The following RAB11FIP3 variants were observed in gnomAD, a reference collection of about 807,000 sequenced individuals.
RAB11FIP3 encodes the protein rab11 family-interacting protein 3.
Under a neutral mutation model 77.8 loss-of-function variants are expected in RAB11FIP3, and 17 were observed. The observed-to-expected ratio is 0.22, with a 90% CI of 0.15 to 0.33. The LOEUF is 0.33. RAB11FIP3 is among the 10% of genes least tolerant of loss of function. The probability of loss-of-function intolerance (pLI) is 1.00; values close to 1 mark genes in which losing one functional copy is unlikely to be tolerated. For synonymous variants in RAB11FIP3, 437 were observed against 448.2 expected, an observed-to-expected ratio of 0.98 and a Z score of 0.31; for missense variants, 1,005 against 1,011.2, an observed-to-expected ratio of 0.99 and a Z score of 0.08.
At chr16:473,038 C>G (rs147589017) in intron 3 of RAB11FIP3, among the ~76,000 whole-genome samples, 73 of 152,116 alleles carry the variant, frequency 4.8e-4, no homozygotes, top group Non-Finnish European at 9.9e-4. Flanking sequence ...CAGCCCTGCT[C>G]ACACCTTGGC....
intron 5 of RAB11FIP3, among the ~76,000 whole-genome samples, chr16:495,091 G>C (rs546169000): frequency 6.6e-6 from 1 of 152,322 alleles, no homozygotes; most frequent in East Asian, 1.9e-4. Flanking sequence ...CTGGGCCACA[G>C]AGTCATACCT....
rs752040289 is a variant in RAB11FIP3, at chr16:496,835, G to A, written c.1277G>A (p.Arg426Gln). The A allele has an allele frequency of 5.6e-6, 9 of 1,596,826 alleles. No individual in the cohort carries two copies. The highest frequency in any genetic ancestry group is 1.7e-5 in the Admixed American group (1 of 59,952). ...PAFLTPSPTK[R>Q]LSSKKVARYL... ...TGTTTTCTGCACAGTCCGACAAAGC[G>A]GCTCTCCAGCAAGAAGGTGGCAAGG... Residue 426 changes from arginine (R) to glutamine (Q), a missense_variant, in exon 6 of 14, where the codon CGG (arginine) becomes CAG (glutamine). Transcript: ENST00000262305.
At chr16:458,950 G>T (rs183941807) in intron 1 of RAB11FIP3, among the ~76,000 whole-genome samples, 24 of 152,232 alleles carry the variant, frequency 1.6e-4, no homozygotes, top group Admixed American at 1.4e-3. Flanking sequence ...TCACAGCAAC[G>T]TGCAGGCATG....
rs1241437257 is a variant in RAB11FIP3, at chr16:472,592, A to G, written c.903+1203A>G. 6.6e-6 allele frequency among the ~76,000 whole-genome samples: 1 copy of G among 152,214 alleles called. No individual in the cohort carries two copies. Among genetic ancestry groups the G allele is most frequent in the Non-Finnish European group, 1.5e-5 (1 of 68,028 alleles). On this transcript the variant is annotated intron_variant, in intron 3 of 13. Transcript: ENST00000262305. This position sits in a 1 kb window ranked among gnomAD's most constrained non-coding sequence, Gnocchi z 4.1. ...TGCCCAAGGCTCTGCAGGGTAACCC[A>G]GAGCCCTTGGTCTGCAACGTCCGGG...
intron 8 of RAB11FIP3, among the ~76,000 whole-genome samples, chr16:508,225 G>A (rs529446989): frequency 4.7e-4 from 71 of 152,336 alleles, no homozygotes; most frequent in Admixed American, 1.6e-3. Flanking sequence ...GAAGACCTCT[G>A]ACCCGGTGCT....
intron 1 of RAB11FIP3, among the ~76,000 whole-genome samples, chr16:438,019 G>A (rs1043464922): frequency 6.6e-6 from 1 of 152,024 alleles, no homozygotes; most frequent in African/African-American, 2.4e-5. Flanking sequence ...ATATTGGCCA[G>A]GCTGGCCTTG....
intron 1 of RAB11FIP3, among the ~76,000 whole-genome samples, chr16:455,697 G>A (rs1395461217): frequency 1.3e-5 from 2 of 152,094 alleles, no homozygotes; most frequent in African/African-American, 4.8e-5. Context: ...CCAGGCTCAG[G>A]CAATCCTCCC....
rs1181157890 is a variant in RAB11FIP3 at position 505,622 on chromosome 16, G to A, written c.1494G>A (p.Val498=). 2.5e-6 allele frequency: 4 copies of A among 1,594,462 alleles called. No homozygotes were observed. The highest frequency in any genetic ancestry group is 1.3e-5 in the African/African-American group (1 of 74,874). ...SRLRQENLQL[V]HRANALEEQL... ...TGAGGCAGGAGAACCTGCAGCTGGT[G>A]CACAGGTGAGCCTGGGCCAGGAGAC... The change falls in exon 8 of 14, where the codon GTG becomes GTA. Residue 498 remains valine, a synonymous_variant. Transcript: ENST00000262305. The surrounding 1 kb of genome is among the most constrained non-coding windows in gnomAD (Gnocchi z 4.0).
At position 425,758 on chromosome 16, in the gene RAB11FIP3, TCCTCGCCGCCCTCCCTAGGCCG is replaced by T; in HGVS notation, c.-246_-225del. On this transcript the variant is annotated 5_prime_UTR_variant, in exon 1 of 14. Coordinates refer to ENST00000262305, the MANE Select transcript of RAB11FIP3 (RefSeq NM_014700.4). ...CGTCCCCCGCCATCCGCCGCCCGGA[TCCTCGCCGCCCTCCCTAGGCCG>T]CCCCGCCGCCATGGGCCTGCGCCCG... is the stretch of plus-strand genomic sequence containing the variant. 1 of 334,310 alleles carries T rather than the reference TCCTCGCCGCCCTCCCTAGGCCG, an allele frequency of 3.0e-6. No individual in the cohort carries two copies. The highest frequency in any genetic ancestry group is 5.4e-6 in the Non-Finnish European group (1 of 184,912). 20.7% of individuals were successfully genotyped at this position (334,310 alleles called of 1,614,324 possible).
chr16:522,044 T>TGTGTGCGCGCATGTGTGCGCGCGTGC lies in RAB11FIP3; in HGVS notation c.*1205_*1206insGTGTGCGCGCATGTGTGCGCGCGTGC, dbSNP rs58290701. The TGTGTGCGCGCATGTGTGCGCGCGTGC allele has an allele frequency of 6.6e-6, 1 of 151,732 alleles. No individual in the cohort carries two copies. Among genetic ancestry groups the TGTGTGCGCGCATGTGTGCGCGCGTGC allele is most frequent in the Non-Finnish European group, 1.5e-5 (1 of 67,962 alleles). 9.4% of individuals were successfully genotyped at this position (151,732 alleles called of 1,614,324 possible). A position where few individuals can be genotyped will look rare whatever the true frequency, so the allele number is the denominator to read the frequency against. On this transcript the variant is annotated 3_prime_UTR_variant, in exon 14 of 14. Coordinates refer to ENST00000262305, the MANE Select transcript of RAB11FIP3 (RefSeq NM_014700.4). ...CGCTGCGTGTGTGTGCGCGCGCGTG[T>TGTGTGCGCGCATGTGTGCGCGCGTGC]ACGTGTGGCCCCACATCCGCCGCCT...
chr16:511,958 G>T (rs190285697), intron 9 of RAB11FIP3, among the ~76,000 whole-genome samples: 5 of 144,620 alleles, frequency 3.5e-5, no homozygotes, highest in Non-Finnish European at 7.5e-5. Flanking sequence ...GAACCTGCAG[G>T]CCAGGTAGGA....
At chr16:495,472 C>T (rs201757562) in intron 5 of RAB11FIP3, among the ~76,000 whole-genome samples, 1 of 152,328 alleles carries the variant, frequency 6.6e-6, no homozygotes, top group East Asian at 1.9e-4. Flanking sequence ...GTCGGGGAAG[C>T]CCCTGGCTCT....
At chr16:510,954 T>G (rs1158399655) in intron 9 of RAB11FIP3, among the ~76,000 whole-genome samples, 154 bp downstream of exon 9, 2 of 113,306 alleles carry the variant, frequency 1.8e-5, no homozygotes, top group Non-Finnish European at 3.6e-5. Context: ...GTAGGAGAAG[T>G]TCCCCGAAAG....
At chr16:492,483 G>C (rs1270509969) in intron 5 of RAB11FIP3, among the ~76,000 whole-genome samples, 5 of 90,144 alleles carry the variant, frequency 5.5e-5, no homozygotes, top group African/African-American at 2.2e-4. Flanking sequence ...GCCGCCCAGG[G>C]CCCTCCCGGG....
chr16:437,164 G>C (rs1324967565), intron 1 of RAB11FIP3, among the ~76,000 whole-genome samples: 1 of 152,044 alleles, frequency 6.6e-6, no homozygotes, highest in Non-Finnish European at 1.5e-5. Context: ...TATAGTCCCA[G>C]CTACTGGGGA....
chr16:501,565 G>A (rs1360789997), intron 6 of RAB11FIP3, among the ~76,000 whole-genome samples: 8 of 140,374 alleles, frequency 5.7e-5, no homozygotes, highest in African/African-American at 2.2e-4. Context: ...AGCTGGGAGA[G>A]GGTCCCCCAT....
intron 1 of RAB11FIP3, among the ~76,000 whole-genome samples, chr16:458,845 TCTCTTTTG>T (rs2055554535): frequency 6.6e-6 from 1 of 152,206 alleles, no homozygotes. Context: ...GCTCTCTTTT[TCTCTTTTG>T]CTGTTCTTGA....
In RAB11FIP3 at chr16:466,042, C is replaced by T. The variant is rs186561101; in HGVS notation, c.808+4545C>T. On this transcript the variant is annotated intron_variant, in intron 2 of 13. Coordinates refer to ENST00000262305, the MANE Select transcript of RAB11FIP3 (RefSeq NM_014700.4). ...TGTTATAAATGTTACAACCCATTTCCTCGGTGCCACAAAGACTCAGAGCAC... is the reference window on the plus strand; with the variant it reads ...TGTTATAAATGTTACAACCCATTTCTTCGGTGCCACAAAGACTCAGAGCAC... Among the ~76,000 whole-genome samples the T allele has an allele frequency of 1.6e-4, 25 of 152,298 alleles. 1 individual carries two copies. In the East Asian group the frequency reaches 4.6e-3, roughly 28 times the overall value.
rs551469777 is a variant in RAB11FIP3 at position 487,651 on chromosome 16, G to A, written c.1116-1200G>A. On this transcript the variant is annotated intron_variant, in intron 4 of 13. Transcript: ENST00000262305. ...TCTTTCCTGGAGTGGAGCAGCGCCG[G>A]GCCTGCACAGAAGGTTCTCCCGAGG... 9.2e-4 allele frequency among the ~76,000 whole-genome samples: 140 copies of A among 152,250 alleles called. 1 individual carries two copies. The highest frequency in any genetic ancestry group is 1.4e-3 in the Admixed American group (21 of 15,298).
Sources: allele counts gnomAD v4.1 joint callset (sites outside exome capture counted in the v4.1 genomes callset), GRCh38; gene constraint gnomAD v4.1.1; non-coding constraint Gnocchi (gnomAD v3.1); transcripts MANE v1.5; gene names NCBI Gene and HGNC (gene_info 2026-07-23, HGNC 2026-07-21).